C8orf34: variants seen among roughly 807,000 people sequenced by gnomAD.
C8orf34 encodes uncharacterized protein C8orf34.
A neutral mutation model predicts 68.3 loss-of-function variants in C8orf34; 65 were observed. The ratio of observed to expected loss-of-function variants is 0.95; its 90% CI spans 0.78 to 1.17. C8orf34 has a LOEUF of 1.17. Ranked by LOEUF, C8orf34 falls within the 50% of genes most tolerant of loss-of-function variation. C8orf34 has a pLI of 0.00. For synonymous variants in C8orf34, 244 were observed against 241.2 expected, an observed-to-expected ratio of 1.01 and a Z score of -0.11; for missense variants, 664 against 655.4, an observed-to-expected ratio of 1.01 and a Z score of -0.14.
intron 9 of C8orf34, among the ~76,000 whole-genome samples, chr8:68,718,203 GC>G (rs1821532490): frequency 6.6e-6 from 1 of 152,008 alleles, no homozygotes; most frequent in East Asian, 1.9e-4. Context: ...TGGATTATAT[GC>G]TGCTTGAAGT....
In C8orf34 at chr8:68,533,443, G is replaced by C. The variant is rs571615699; in HGVS notation, c.1105+294G>C. On this transcript the variant is annotated intron_variant, in intron 7 of 13. Coordinates refer to ENST00000518698, the MANE Select transcript of C8orf34 (RefSeq NM_052958.4). ...GTGTGCAACTGTGATCAAAATTCAA[G>C]TCTGTCTGCTTTATTCTCTGATAAT... 1.9e-5 allele frequency: 20 copies of C among 1,062,480 alleles called. No homozygotes were observed. The African/African-American group carries it at 3.3e-4, about 18-fold the overall frequency. The allele number at this position is 1,062,480 out of a possible 1,614,324, so 65.8% of individuals were successfully genotyped here.
intron 9 of C8orf34, among the ~76,000 whole-genome samples, chr8:68,714,814 T>C (rs561639040): frequency 9.2e-5 from 14 of 152,086 alleles, no homozygotes; most frequent in Non-Finnish European, 1.8e-4. Flanking sequence ...ACTGCATAGC[T>C]AAAGCTATCC....
At chr8:68,535,839 A>T in intron 7 of C8orf34, 5 of 978,572 alleles carry the variant, frequency 5.1e-6, no homozygotes, top group Non-Finnish European at 6.1e-6. Flanking sequence ...AATTTTTAAG[A>T]TATAATCATT....
At chr8:68,407,670 T>A (rs1450413571) in intron 1 of C8orf34, among the ~76,000 whole-genome samples, 1 of 152,184 alleles carries the variant, frequency 6.6e-6, no homozygotes, top group Admixed American at 6.6e-5. Flanking sequence ...CGTTGGCAAC[T>A]GAATTTATCT....
At chr8:68,424,389 A>G (rs561972472) in intron 1 of C8orf34, among the ~76,000 whole-genome samples, 5 of 152,310 alleles carry the variant, frequency 3.3e-5, no homozygotes, top group Admixed American at 3.3e-4. Flanking sequence ...GTCTACTAAC[A>G]TATTAACCAG....
chr8:68,464,455 A>T (rs1309721993), intron 3 of C8orf34, among the ~76,000 whole-genome samples: 6 of 151,732 alleles, frequency 4.0e-5, no homozygotes, highest in African/African-American at 7.3e-5. Flanking sequence ...ACTACTTTAA[A>T]GTTCATATGG....
chr8:68,583,180 A>G (rs1817115549), intron 7 of C8orf34, among the ~76,000 whole-genome samples: 1 of 152,098 alleles, frequency 6.6e-6, no homozygotes, highest in Non-Finnish European at 1.5e-5. Context: ...TTGGTCTTTT[A>G]CAGTTATATT....
intron 11 of C8orf34, among the ~76,000 whole-genome samples, chr8:68,780,821 A>G (rs1233724393): frequency 1.3e-5 from 2 of 152,178 alleles, no homozygotes; most frequent in Non-Finnish European, 2.9e-5. Context: ...AACAAATGCA[A>G]CAAGAAAGTT....
At chr8:68,572,637 T>C (rs901312331) in intron 7 of C8orf34, among the ~76,000 whole-genome samples, 1 of 152,114 alleles carries the variant, frequency 6.6e-6, no homozygotes, top group African/African-American at 2.4e-5. Flanking sequence ...TCAGAAGTAT[T>C]GCACTGCTTG....
intron 1 of C8orf34, among the ~76,000 whole-genome samples, chr8:68,415,605 C>A (rs1437616987): frequency 6.6e-6 from 1 of 152,156 alleles, no homozygotes; most frequent in Non-Finnish European, 1.5e-5. Context: ...AGTTATTTAA[C>A]CCACTCTGGA....
intron 7 of C8orf34, among the ~76,000 whole-genome samples, chr8:68,593,770 T>G (rs1423561184): frequency 6.6e-6 from 1 of 152,036 alleles, no homozygotes; most frequent in Non-Finnish European, 1.5e-5. Context: ...TATTGTTTGC[T>G]GTTTTTATTC....
intron 9 of C8orf34, among the ~76,000 whole-genome samples, chr8:68,709,695 T>A (rs994893490): frequency 2.6e-4 from 40 of 152,182 alleles, no homozygotes; most frequent in African/African-American, 8.9e-4. Flanking sequence ...CTCCTCGGAC[T>A]ATCTCACCCC....
intron 1 of C8orf34, among the ~76,000 whole-genome samples, chr8:68,430,514 G>A (rs1810410357): frequency 6.6e-6 from 1 of 152,152 alleles, no homozygotes; most frequent in Admixed American, 6.5e-5. Flanking sequence ...TCTGAATCTT[G>A]TGAGACTGAG....
intron 7 of C8orf34, among the ~76,000 whole-genome samples, chr8:68,610,861 GTT>G (rs60113883): frequency 2.5e-5 from 3 of 120,442 alleles, no homozygotes; most frequent in Admixed American, 8.3e-5. Context: ...TGAATCTTTG[GTT>G]TTTTTTTTTT....
At chr8:68,606,849 A>G (rs1817869044) in intron 7 of C8orf34, among the ~76,000 whole-genome samples, 1 of 152,136 alleles carries the variant, frequency 6.6e-6, no homozygotes, top group Non-Finnish European at 1.5e-5. Context: ...GCATTAAGAT[A>G]TATTTTTGGT....
intron 6 of C8orf34, chr8:68,530,481 G>T: frequency 3.3e-6 from 1 of 305,112 alleles, no homozygotes; most frequent in Non-Finnish European, 6.5e-6. Context: ...TAACATGTTA[G>T]ATCTATCAGC....
intron 12 of C8orf34, among the ~76,000 whole-genome samples, chr8:68,802,074 A>C (rs1287382522): frequency 6.6e-6 from 1 of 152,082 alleles, no homozygotes; most frequent in Non-Finnish European, 1.5e-5. Flanking sequence ...CCATATTGTC[A>C]AATAGTCCTC....
At chr8:68,804,709 G>A (rs191078952) in intron 12 of C8orf34, among the ~76,000 whole-genome samples, 153 of 152,192 alleles carry the variant, frequency 1.0e-3, no homozygotes, top group African/African-American at 2.6e-3. Flanking sequence ...AGCCGGGGAG[G>A]TCGATGCTGC....
chr8:68,371,601 C>CTTTTTTTTT (rs747648137), intron 1 of C8orf34, among the ~76,000 whole-genome samples: 1 of 138,316 alleles, frequency 7.2e-6, no homozygotes, highest in African/African-American at 2.6e-5. Flanking sequence ...TCATTTCTTT[C>CTTTTTTTTT]TTTTTTTTTT....
Sources: allele counts gnomAD v4.1 joint callset (sites outside exome capture counted in the v4.1 genomes callset), GRCh38; gene constraint gnomAD v4.1.1; transcripts MANE v1.5; gene names NCBI Gene and HGNC (gene_info 2026-07-23, HGNC 2026-07-21).